ITGB1: variants seen among roughly 807,000 people sequenced by gnomAD.
ITGB1 encodes integrin beta-1.
Under a neutral mutation model 86.5 loss-of-function variants are expected in ITGB1, and 24 were observed. The ratio of observed to expected loss-of-function variants is 0.28; its 90% CI spans 0.20 to 0.39. The LOEUF (loss-of-function observed/expected upper bound fraction) is 0.39. Ranked by LOEUF, ITGB1 falls within the 10% of genes least tolerant of loss-of-function variation. The probability of loss-of-function intolerance (pLI) is 1.00; values close to 1 mark genes in which losing one functional copy is unlikely to be tolerated. For synonymous variants in ITGB1, 323 were observed against 316.8 expected (o/e 1.02, Z -0.21); for missense variants, 556 against 946.9 (o/e 0.59, Z 5.42).
chr10:32,932,938 T>C (rs899720729), intron 2 of ITGB1, among the ~76,000 whole-genome samples: 3 of 152,134 alleles, frequency 2.0e-5, no homozygotes, highest in Non-Finnish European at 4.4e-5. Flanking sequence ...TTAGTTATTT[T>C]AAAATATGCA....
intron 1 of ITGB1, chr10:32,944,907 C>T: frequency 7.6e-7 from 1 of 1,320,832 alleles, no homozygotes; most frequent in Non-Finnish European, 1.1e-6. Flanking sequence ...AGACTAAAGG[C>T]TTATGAAGCC....
intron 1 of ITGB1, among the ~76,000 whole-genome samples, chr10:32,939,998 G>A (rs2095014490): frequency 6.6e-6 from 1 of 152,090 alleles, no homozygotes; most frequent in Non-Finnish European, 1.5e-5. Context: ...CTTCCTGAAG[G>A]ACCTGGACCT....
intron 11 of ITGB1, among the ~76,000 whole-genome samples, chr10:32,919,079 A>T (rs1328016427): frequency 6.6e-6 from 1 of 152,242 alleles, no homozygotes; most frequent in African/African-American, 2.4e-5. Context: ...TTAAAACAGG[A>T]TATGTACAAC....
At position 32,904,272 on chromosome 10, in the gene ITGB1, C is replaced by T. The variant is rs1262513343; in HGVS notation, c.2332-2637G>A. 1.8e-4 allele frequency among the ~76,000 whole-genome samples: 27 copies of T among 152,072 alleles called. 1 individual carries two copies. The highest frequency in any genetic ancestry group is 3.8e-4 in the Non-Finnish European group (26 of 68,010). ...TTAGTTTCCATCATTCAGAGTGCAA[C>T]ACCACCCCACCCCAAAAAAACCCGC... On this transcript the variant is annotated intron_variant, in intron 15 of 15. Transcript: ENST00000302278.
In ITGB1 at chr10:32,926,117, G is replaced by GA. The variant is rs2094963691; in HGVS notation, c.548-9dup. ...CCACAAATGAGCCAAATCCTGCCAA[G>GA]AAAAAAATGGTACATAAATGAATGA... On this transcript the variant is annotated splice_polypyrimidine_tract_variant and intron_variant, in intron 5 of 15. Coordinates refer to ENST00000302278, the MANE Select transcript of ITGB1 (RefSeq NM_002211.4). 1.9e-6 allele frequency: 3 copies of GA among 1,565,384 alleles called. No individual in the cohort carries two copies. Among genetic ancestry groups the GA allele is most frequent in the East Asian group, 2.2e-5 (1 of 44,592 alleles).
chr10:32,927,446 C>A (rs900534073), intron 5 of ITGB1, among the ~76,000 whole-genome samples: 3 of 152,110 alleles, frequency 2.0e-5, no homozygotes, highest in African/African-American at 7.2e-5. Flanking sequence ...CAGGTGCAGA[C>A]ATACTAATTA....
At chr10:32,957,164 T>C (rs2095054026) in intron 1 of ITGB1, among the ~76,000 whole-genome samples, 1 of 152,228 alleles carries the variant, frequency 6.6e-6, no homozygotes, top group African/African-American at 2.4e-5. Flanking sequence ...GAATTATTAA[T>C]GTAGATATTA....
chr10:32,942,730 G>A (rs539284145), intron 1 of ITGB1, among the ~76,000 whole-genome samples: 164 of 150,980 alleles, frequency 1.1e-3, no homozygotes, highest in African/African-American at 3.8e-3. Flanking sequence ...TGTCGCCTAG[G>A]CTGGAATGCA....
intron 3 of ITGB1, among the ~76,000 whole-genome samples, chr10:32,931,033 TATTTAA>T (rs1220350766): frequency 1.3e-5 from 2 of 152,148 alleles, no homozygotes; most frequent in South Asian, 2.1e-4. Flanking sequence ...TAAGTGAAGA[TATTTAA>T]ATTTAAAGAA....
chr10:32,919,586 A>G (rs565722100), intron 11 of ITGB1, among the ~76,000 whole-genome samples: 39 of 152,310 alleles, frequency 2.6e-4, no homozygotes, highest in African/African-American at 9.4e-4. Flanking sequence ...TTTGTTCTAG[A>G]AAATTGATTG....
At chr10:32,913,711 G>A (rs2995463) in intron 11 of ITGB1, among the ~76,000 whole-genome samples, 52,067 of 152,144 alleles carry the variant, frequency 0.34, 11,363 homozygotes, top group Non-Finnish European at 0.5. Flanking sequence ...GAAAGTGACA[G>A]GGAGAATGGA....
chr10:32,941,701 G>A (rs1218908169), intron 1 of ITGB1, among the ~76,000 whole-genome samples: 4 of 152,156 alleles, frequency 2.6e-5, no homozygotes, highest in African/African-American at 9.7e-5. Flanking sequence ...TTACTGCAAA[G>A]GTTCAAGTGA....
intron 1 of ITGB1, chr10:32,953,634 GAGAGA>G (rs2095046921): frequency 6.6e-6 from 1 of 152,096 alleles, no homozygotes; most frequent in African/African-American, 2.4e-5. Context: ...ACGAGAGAAT[GAGAGA>G]AACATGCAGG....
intron 14 of ITGB1, among the ~76,000 whole-genome samples, chr10:32,909,995 T>A (rs540787332): frequency 6.6e-6 from 1 of 152,306 alleles, no homozygotes; most frequent in East Asian, 1.9e-4. Flanking sequence ...TATAAATCAC[T>A]GTATTTAATC....
intron 1 of ITGB1, among the ~76,000 whole-genome samples, chr10:32,956,571 G>T (rs560420004): frequency 6.6e-6 from 1 of 152,138 alleles, no homozygotes; most frequent in African/African-American, 2.4e-5. Flanking sequence ...AGCCGGGCAC[G>T]GTGGCAGGCG....
intron 1 of ITGB1, chr10:32,936,085 CAT>C (rs1467235495): frequency 3.9e-5 from 6 of 152,320 alleles, no homozygotes; most frequent in African/African-American, 1.2e-4. Flanking sequence ...CAACATCCTG[CAT>C]AAGGCCCCAA....
intron 9 of ITGB1, among the ~76,000 whole-genome samples, chr10:32,921,104 T>C (rs912205013): frequency 1.5e-5 from 2 of 135,942 alleles, no homozygotes; most frequent in African/African-American, 5.5e-5. Context: ...TGGACTAGGG[T>C]AAACAATCAA....
At chr10:32,943,658 T>C (rs2095024436) in intron 1 of ITGB1, among the ~76,000 whole-genome samples, 4 of 152,086 alleles carry the variant, frequency 2.6e-5, no homozygotes, top group Admixed American at 2.0e-4. Context: ...ACAGGCAGTC[T>C]TGGGGGAAAA....
At chr10:32,922,536 G>A (rs1467947831) in intron 8 of ITGB1, 104 bp downstream of exon 8, 2 of 802,678 alleles carry the variant, frequency 2.5e-6, no homozygotes, top group South Asian at 1.8e-5. Context: ...GTAAAATTCG[G>A]TTTGCCTATC....
Sources: allele counts gnomAD v4.1 joint callset (sites outside exome capture counted in the v4.1 genomes callset), GRCh38; gene constraint gnomAD v4.1.1; transcripts MANE v1.5; gene names NCBI Gene and HGNC (gene_info 2026-07-23, HGNC 2026-07-21).